Variants in ICA1L observed in about 807,000 individuals in gnomAD.
ICA1L encodes islet cell autoantigen 1 like.
In ICA1L, 50 loss-of-function variants were observed where a neutral mutation model predicts 61.3. The ratio of observed to expected loss-of-function variants is 0.82; its 90% CI spans 0.65 to 1.03. ICA1L has a LOEUF of 1.03. Ranked by LOEUF, ICA1L falls within the 50% of genes least tolerant of loss-of-function variation. The pLI, the probability that ICA1L is intolerant of heterozygous loss-of-function variation, is 0.00. For missense variants in ICA1L, 508 were observed against 556.7 expected, an observed-to-expected ratio of 0.91 and a Z score of 0.88; for synonymous variants, 161 against 191.3, an observed-to-expected ratio of 0.84 and a Z score of 1.31.
chr2:202,821,210 A>G, intron 4 of ICA1L, 148 bp downstream of exon 4: 1 of 573,922 alleles, frequency 1.7e-6, no homozygotes, highest in Non-Finnish European at 2.9e-6. Context: ...GTAATTAAGA[A>G]TTAGGTGTCA....
In ICA1L at chr2:202,849,159, C is replaced by G. The variant is rs1694545534; in HGVS notation, c.-7-20143G>C. Among the ~76,000 whole-genome samples, 1 of 152,192 alleles carries G rather than the reference C, an allele frequency of 6.6e-6. No individual in the cohort carries two copies. Among genetic ancestry groups the G allele is most frequent in the African/African-American group, 2.4e-5 (1 of 41,436 alleles). ...AGAAGATTCCCACATGTGCCTATAC[C>G]ACCAGGGCCCTGGGTTTCAAGCACA... On this transcript the variant is annotated intron_variant, in intron 1 of 12. Transcript: ENST00000358299. The surrounding 1 kb of genome is among the most constrained non-coding windows in gnomAD (Gnocchi z 4.5).
At chr2:202,850,139 GTCA>G (rs1225211423) in intron 1 of ICA1L, among the ~76,000 whole-genome samples, 1 of 151,944 alleles carries the variant, frequency 6.6e-6, no homozygotes, top group Non-Finnish European at 1.5e-5. Flanking sequence ...CCATCCAAAG[GTCA>G]TCAAGCCTCA....
chr2:202,830,913 G>A (rs1211778474), intron 1 of ICA1L, among the ~76,000 whole-genome samples: 4 of 151,838 alleles, frequency 2.6e-5, no homozygotes, highest in South Asian at 2.1e-4. Context: ...AAAGAATCTC[G>A]AATCATAAAA....
At chr2:202,783,556 G>A (rs1692478972) in intron 12 of ICA1L, among the ~76,000 whole-genome samples, 1 of 152,174 alleles carries the variant, frequency 6.6e-6, no homozygotes, top group Non-Finnish European at 1.5e-5. Context: ...CCTGTACACT[G>A]CAAAAATGTC....
At position 202,789,015 on chromosome 2, in the gene ICA1L, A is replaced by G. The variant is rs997866567; in HGVS notation, c.1058T>C (p.Leu353Pro). ...AGTACTTGAAGAACCAGAACTTAGGAGGTTGTTCAGAAATGAGAATTCCTT... is the reference window on the plus strand; with the variant it reads ...AGTACTTGAAGAACCAGAACTTAGGGGGTTGTTCAGAAATGAGAATTCCTT... ...FEKEFSFLNNLLSSGSSSTSE... is the reference protein window; with the variant it reads ...FEKEFSFLNNPLSSGSSSTSE... The change falls in exon 11 of 13, where the codon CTC (leucine) becomes CCC (proline). Residue 353 changes from leucine to proline, a missense_variant. Physicochemically the swap from Leu to Pro is moderately conservative, Grantham distance 98. Transcript: ENST00000358299. The G allele has an allele frequency of 3.1e-6, 5 of 1,613,222 alleles. No homozygotes were observed. In the Admixed American group the frequency reaches 6.7e-5, roughly 22 times the overall value.
chr2:202,836,174 C>T (rs10048682), intron 1 of ICA1L, among the ~76,000 whole-genome samples: 38,826 of 152,040 alleles, frequency 0.26, 5,533 homozygotes, highest in East Asian at 0.53. Context: ...GCCTTTATTA[C>T]GTTGAGAGAC....
intron 12 of ICA1L, among the ~76,000 whole-genome samples, chr2:202,785,532 G>C (rs1270815788): frequency 6.6e-6 from 1 of 152,140 alleles, no homozygotes; most frequent in Admixed American, 6.5e-5. Flanking sequence ...GAGCAATTCT[G>C]CCTCAGCCTC....
intron 10 of ICA1L, among the ~76,000 whole-genome samples, chr2:202,790,518 C>T (rs891590042): frequency 3.9e-5 from 6 of 152,184 alleles, no homozygotes; most frequent in African/African-American, 1.4e-4. Flanking sequence ...AGCCAGAACA[C>T]AGGGCTCCTT....
At chr2:202,829,340 A>G (rs1693946844) in intron 1 of ICA1L, 2 of 169,658 alleles carry the variant, frequency 1.2e-5, no homozygotes, top group Admixed American at 6.3e-5. Flanking sequence ...ACAAAGCGAG[A>G]CTCCGTCTCA....
chr2:202,773,952 T>C lies in ICA1L; in HGVS notation c.*5581A>G. ...CAGAAAGATTCTTCTCTTCCGCTTA[T>C]TACTTGCCACTGTGTTTTAAAAGGT... On this transcript the variant is annotated 3_prime_UTR_variant, in exon 13 of 13. Transcript: ENST00000358299. 9.1e-7 allele frequency: 1 copy of C among 1,096,076 alleles called. No individual in the cohort carries two copies. The highest frequency in any genetic ancestry group is 1.4e-6 in the Non-Finnish European group (1 of 740,272). 67.9% of individuals were successfully genotyped at this position (1,096,076 alleles called of 1,614,324 possible). A position where few individuals can be genotyped will look rare whatever the true frequency, so the allele number is the denominator to read the frequency against.
At chr2:202,801,296 C>A (rs759260733) in intron 9 of ICA1L, among the ~76,000 whole-genome samples, 23 of 152,198 alleles carry the variant, frequency 1.5e-4, no homozygotes, top group Non-Finnish European at 2.8e-4. Context: ...CTTTACCTTA[C>A]AGTGCTTTTG....
At position 202,779,507 on chromosome 2, in the gene ICA1L, C is replaced by G. The variant is rs749274770; in HGVS notation, c.*26G>C. 13 of 1,366,736 alleles carry G rather than the reference C, an allele frequency of 9.5e-6. No homozygotes were observed. The highest frequency in any genetic ancestry group is 1.1e-5 in the Non-Finnish European group (11 of 961,578). 84.7% of individuals were successfully genotyped at this position (1,366,736 alleles called of 1,614,324 possible). A position where few individuals can be genotyped will look rare whatever the true frequency, so the allele number is the denominator to read the frequency against. On this transcript the variant is annotated 3_prime_UTR_variant, in exon 13 of 13. Coordinates refer to ENST00000358299, the MANE Select transcript of ICA1L (RefSeq NM_001288622.3). ...ACGTTGCAAAATTGATGTCTCAAGGCCACTGAAGTGACATTATAACTTCAG... is the reference window on the plus strand; with the variant it reads ...ACGTTGCAAAATTGATGTCTCAAGGGCACTGAAGTGACATTATAACTTCAG...
rs61240847 is a variant in ICA1L at position 202,861,401 on chromosome 2, CAAAAAAAAAAAAA to C, written c.-8+10205_-8+10217del. 6.2e-3 allele frequency among the ~76,000 whole-genome samples: 134 copies of C among 21,734 alleles called. 2 individuals carry two copies. Among genetic ancestry groups the C allele is most frequent in the Middle Eastern group, 0.05 (1 of 20 alleles). The allele number at this position is 21,734 out of a possible 152,430, so 14.3% of individuals were successfully genotyped here. On this transcript the variant is annotated intron_variant, in intron 1 of 12. Coordinates refer to ENST00000358299, the MANE Select transcript of ICA1L (RefSeq NM_001288622.3). ...GCCTGGGTACACGGCGAGACTATCT[CAAAAAAAAAAAAA>C]AAAAAAAAAAAAAAGACATAGCAGT...
chr2:202,843,103 A>G (rs942834610), intron 1 of ICA1L, among the ~76,000 whole-genome samples: 15 of 152,092 alleles, frequency 9.9e-5, no homozygotes, highest in Non-Finnish European at 1.8e-4. Context: ...CAATTATTTT[A>G]TATTATTTGA....
At position 202,824,207 on chromosome 2, in the gene ICA1L, C is replaced by G. The variant is rs537083364; in HGVS notation, c.235+1488G>C. ...CACGAGGATAGGAGTTCAAGACCAA[C>G]CTGGCCAAGATGGTGAAACCCCGTC... On this transcript the variant is annotated intron_variant, in intron 3 of 12. Coordinates refer to ENST00000358299, the MANE Select transcript of ICA1L (RefSeq NM_001288622.3). 1.4e-4 allele frequency among the ~76,000 whole-genome samples: 22 copies of G among 152,224 alleles called. 1 individual carries two copies. The highest frequency in any genetic ancestry group is 5.1e-4 in the African/African-American group (21 of 41,534).
chr2:202,865,652 C>CA (rs1052550327), intron 1 of ICA1L, among the ~76,000 whole-genome samples: 1 of 152,010 alleles, frequency 6.6e-6, no homozygotes, highest in African/African-American at 2.4e-5. Context: ...ATTATGTATG[C>CA]AAAAAATCCT....
rs2351306 is a variant in ICA1L at position 202,849,547 on chromosome 2, G to A, written c.-7-20531C>T. On this transcript the variant is annotated intron_variant, in intron 1 of 12. Coordinates refer to ENST00000358299, the MANE Select transcript of ICA1L (RefSeq NM_001288622.3). This position sits in a 1 kb window ranked among gnomAD's most constrained non-coding sequence, Gnocchi z 4.5. ...GACTGGGCAGAACTCACCACAGTGC[G>A]GGAAAGTGGCTATGGCCAGACTGCC... 0.33 allele frequency among the ~76,000 whole-genome samples: 50,786 copies of A among 152,114 alleles called. 9,103 individuals are homozygous for A. Among genetic ancestry groups the A allele is most frequent in the East Asian group, 0.61 (3,141 of 5,158 alleles).
At chr2:202,781,314 T>C (rs1237788493) in intron 12 of ICA1L, among the ~76,000 whole-genome samples, 1 of 152,056 alleles carries the variant, frequency 6.6e-6, no homozygotes, top group African/African-American at 2.4e-5. Context: ...GGCTCACGCC[T>C]GTAATTCAAG....
At chr2:202,860,302 A>C (rs1001824220) in intron 1 of ICA1L, 7 of 148,970 alleles carry the variant, frequency 4.7e-5, no homozygotes, top group Admixed American at 1.3e-4. Context: ...AATAATGATA[A>C]TAATAATAAA....
Sources: allele counts gnomAD v4.1 joint callset (sites outside exome capture counted in the v4.1 genomes callset), GRCh38; gene constraint gnomAD v4.1.1; non-coding constraint Gnocchi (gnomAD v3.1); transcripts MANE v1.5; gene names NCBI Gene and HGNC (gene_info 2026-07-23, HGNC 2026-07-21).